MMP28: variants seen among roughly 807,000 people sequenced by gnomAD.
The protein encoded by MMP28 is matrix metallopeptidase 28.
Under a neutral mutation model 60.5 loss-of-function variants are expected in MMP28, and 55 were observed. The ratio of observed to expected loss-of-function variants is 0.91; its 90% CI spans 0.73 to 1.14. The LOEUF is 1.14. Ranked by LOEUF, MMP28 falls within the 50% of genes most tolerant of loss-of-function variation. The pLI is 0.00. For synonymous variants in MMP28, 318 were observed against 312.5 expected (o/e 1.02, Z -0.18); for missense variants, 686 against 738.3 (o/e 0.93, Z 0.82).
Position 35,769,392 on chromosome 17 carries a change from A to C in MMP28, c.850+675T>G, listed in dbSNP as rs528323206. Among the ~76,000 whole-genome samples the C allele has an allele frequency of 2.3e-4, 35 of 152,348 alleles. No individual in the cohort carries two copies. The East Asian group carries it at 6.6e-3, about 29-fold the overall frequency. Reference sequence around the variant, plus strand: ...CTCAGTTGTTATCTCTTTTCACAGAAGGTAAAACTGAGGGTTCACAGAGGG... The same window carrying C: ...CTCAGTTGTTATCTCTTTTCACAGACGGTAAAACTGAGGGTTCACAGAGGG... On this transcript the variant is annotated intron_variant, in intron 5 of 7. Transcript: ENST00000605424.
chr17:35,768,024 G>A, intron 6 of MMP28, 105 bp from the exon 7 acceptor site: 1 of 1,385,884 alleles, frequency 7.2e-7, no homozygotes. Flanking sequence ...ACAAGCATAG[G>A]GTATGGTGTG....
chr17:35,761,099 A>ATTTT (rs10533957), downstream of MMP28: 175 of 506,140 alleles, frequency 3.5e-4, no homozygotes, highest in African/African-American at 1.2e-3. Context: ...GCCTTCCTGA[A>ATTTT]TTTTTTTTTT....
Position 35,766,321 on chromosome 17 carries a change from A to C in MMP28, c.*179T>G. On this transcript the variant is annotated 3_prime_UTR_variant, in exon 8 of 8. Transcript: ENST00000605424. The surrounding 1 kb of genome is among the most constrained non-coding windows in gnomAD (Gnocchi z 4.3). ...ACCCCCACCTCCATGTGGTGGGGAC[A>C]GACAAAGACAATGCTGCATTCTTCA... 1 of 1,394,604 alleles carries C rather than the reference A, an allele frequency of 7.2e-7. No homozygotes were observed. The highest frequency in any genetic ancestry group is 9.3e-7 in the Non-Finnish European group (1 of 1,076,144). 86.4% of individuals were successfully genotyped at this position (1,394,604 alleles called of 1,614,324 possible).
chr17:35,763,053 T>C (rs933688717), downstream of MMP28, among the ~76,000 whole-genome samples: 123 of 144,160 alleles, frequency 8.5e-4, no homozygotes, highest in Admixed American at 3.2e-3. Context: ...ACCCGGCAGG[T>C]GGAGCTTGCA....
chr17:35,756,319 C>A, exon 3 of MMP28: 1 of 835,160 alleles, frequency 1.2e-6, no homozygotes. Flanking sequence ...GGCTCTGCTC[C>A]ATGAAGTTCT....
chr17:35,787,776 A>G (rs1488493443), intron 1 of MMP28, among the ~76,000 whole-genome samples: 1 of 150,978 alleles, frequency 6.6e-6, no homozygotes, highest in Non-Finnish European at 1.5e-5. Flanking sequence ...GGTGTGAGCC[A>G]CTGCACCCAG....
At chr17:35,757,555 G>C (rs782714638) in intron 2 of MMP28, 1 of 152,154 alleles carries the variant, frequency 6.6e-6, no homozygotes, top group Non-Finnish European at 1.5e-5. Context: ...ACCAATCCTG[G>C]AGCCCTTTAC....
At position 35,766,541 on chromosome 17, in the gene MMP28, T is replaced by C. The variant is rs2085942945; in HGVS notation, c.1522A>G (p.Met508Val). ...SGRWATELPW[M>V]GCWHANSGSA... ...CCCGAGTTGGCATGCCAGCAGCCCA[T>C]CCAGGGCAGCTCGGTGGCCCAGCGG... The change falls in exon 8 of 8, where the codon ATG becomes GTG. Residue 508 changes from methionine (M) to valine (V), a missense_variant. Coordinates refer to ENST00000605424, the MANE Select transcript of MMP28 (RefSeq NM_024302.5). The surrounding 1 kb of genome is among the most constrained non-coding windows in gnomAD (Gnocchi z 4.3). 6.2e-7 allele frequency: 1 copy of C among 1,608,696 alleles called. No homozygotes were observed. Among genetic ancestry groups the C allele is most frequent in the Non-Finnish European group, 8.5e-7 (1 of 1,178,524 alleles).
In MMP28 at chr17:35,788,535, T is replaced by C. The variant is rs552589727; in HGVS notation, c.111+6732A>G. Among the ~76,000 whole-genome samples the C allele has an allele frequency of 3.3e-5, 5 of 152,256 alleles. No individual in the cohort carries two copies. The East Asian group carries it at 9.7e-4, about 29-fold the overall frequency. On this transcript the variant is annotated intron_variant, in intron 1 of 7. Coordinates refer to ENST00000605424, the MANE Select transcript of MMP28 (RefSeq NM_024302.5). ...GCCTCTTCTGCACTTCTATTCACCC[T>C]ATACCCATGAGTCACTGAGCTAAGT...
chr17:35,769,650 G>C (rs1438246947), intron 5 of MMP28, among the ~76,000 whole-genome samples: 1 of 152,090 alleles, frequency 6.6e-6, no homozygotes, highest in African/African-American at 2.4e-5. Context: ...GGCTCGGGGA[G>C]AGCTAGTGGC....
chr17:35,777,477 C>G (rs940840007), intron 3 of MMP28, among the ~76,000 whole-genome samples: 2 of 152,224 alleles, frequency 1.3e-5, no homozygotes, highest in Non-Finnish European at 2.9e-5. Context: ...CACCTGGAAA[C>G]AGCCACCCTC....
chr17:35,768,871 A>T (rs540045379), intron 5 of MMP28, among the ~76,000 whole-genome samples: 195 of 152,288 alleles, frequency 1.3e-3, no homozygotes, highest in African/African-American at 4.3e-3. Context: ...TAAACTCAGG[A>T]ATCTTCTTCT....
chr17:35,767,131 G>A (rs1027507157), intron 7 of MMP28: 42 of 701,512 alleles, frequency 6.0e-5, no homozygotes, highest in Admixed American at 3.4e-4. Flanking sequence ...AGATAGCCCC[G>A]AAAGGAAGGC....
At chr17:35,764,372 GC>G, downstream of MMP28, 1 of 1,454,514 alleles carries the variant, frequency 6.9e-7, no homozygotes, top group African/African-American at 1.5e-5. Flanking sequence ...CGGTGCCCGG[GC>G]CCCAGGGAGG....
At chr17:35,792,907 T>C (rs1598490026) in intron 1 of MMP28, among the ~76,000 whole-genome samples, 1 of 152,156 alleles carries the variant, frequency 6.6e-6, no homozygotes, top group Non-Finnish European at 1.5e-5. Context: ...TAACCCCCAT[T>C]GTATGGAGAA....
chr17:35,766,992 G>A lies in MMP28; in HGVS notation c.1169-98C>T. The A allele has an allele frequency of 8.7e-7, 1 of 1,149,208 alleles. No homozygotes were observed. Among genetic ancestry groups the A allele is most frequent in the Non-Finnish European group, 1.3e-6 (1 of 792,716 alleles). 71.2% of individuals were successfully genotyped at this position (1,149,208 alleles called of 1,614,324 possible). ...CCATACCTCTGCTCTCCTTTAAGCT[G>A]GAGCCCACGATGGTTGGTATTCATA... On this transcript the variant is annotated intron_variant, in intron 7 of 7. Coordinates refer to ENST00000605424, the MANE Select transcript of MMP28 (RefSeq NM_024302.5). The surrounding 1 kb of genome is among the most constrained non-coding windows in gnomAD (Gnocchi z 4.3).
chr17:35,795,235 G>A, intron 1 of MMP28, 32 bp downstream of exon 1: 1 of 1,349,604 alleles, frequency 7.4e-7, no homozygotes, highest in Non-Finnish European at 9.6e-7. Flanking sequence ...TCAAGCACAC[G>A]CACCGCTCTC....
intron 1 of MMP28, among the ~76,000 whole-genome samples, chr17:35,793,601 A>T (rs966294487): frequency 3.3e-5 from 5 of 152,214 alleles, no homozygotes; most frequent in Non-Finnish European, 7.4e-5. Flanking sequence ...CCCAGTAGTG[A>T]TGGGAGCTGG....
At chr17:35,794,770 C>T (rs922204647) in intron 1 of MMP28, among the ~76,000 whole-genome samples, 2 of 152,190 alleles carry the variant, frequency 1.3e-5, no homozygotes, top group African/African-American at 4.8e-5. Flanking sequence ...GCCCATTTTA[C>T]AGACAGAAAA....
Sources: allele counts gnomAD v4.1 joint callset (sites outside exome capture counted in the v4.1 genomes callset), GRCh38; gene constraint gnomAD v4.1.1; non-coding constraint Gnocchi (gnomAD v3.1); transcripts MANE v1.5; gene names NCBI Gene and HGNC (gene_info 2026-07-23, HGNC 2026-07-21).